Variants in SP2 observed in about 807,000 individuals in gnomAD.
SP2 encodes the protein transcription factor Sp2.
A neutral mutation model predicts 50.1 loss-of-function variants in SP2; 9 were observed. The observed-to-expected ratio is 0.18, with a 90% CI of 0.11 to 0.31. The LOEUF (loss-of-function observed/expected upper bound fraction) is 0.31, where lower values mean the gene tolerates loss of function less well. Ranked by LOEUF, SP2 falls within the 10% of genes least tolerant of loss-of-function variation. The pLI is 1.00. For synonymous variants in SP2, 313 were observed against 326.6 expected, an observed-to-expected ratio of 0.96 and a Z score of 0.45; for missense variants, 581 against 806.5, an observed-to-expected ratio of 0.72 and a Z score of 3.39.
chr17:47,896,726 C>CT (rs2034352627), intron 1 of SP2, among the ~76,000 whole-genome samples: 1 of 152,232 alleles, frequency 6.6e-6, no homozygotes, highest in South Asian at 2.1e-4. Flanking sequence ...TTCCTGCACT[C>CT]TTAACTGTAG....
At position 47,927,766 on chromosome 17, in the gene SP2, T is replaced by C; in HGVS notation, c.1784T>C (p.Met595Thr). The C allele has an allele frequency of 6.3e-7, 1 of 1,599,044 alleles. No homozygotes were observed. Among genetic ancestry groups the C allele is most frequent in the Non-Finnish European group, 8.5e-7 (1 of 1,172,644 alleles). ...TGCGCCCAGTGTCAGAAGCGCTTCA[T>C]GAGGAGTGACCACCTCACCAAGCAT... ...FECAQCQKRFMRSDHLTKHYK... is the reference protein window; with the variant it reads ...FECAQCQKRFTRSDHLTKHYK... Residue 595 changes from methionine (M) to threonine (T), a missense_variant, in exon 7 of 7, where the codon ATG (methionine) becomes ACG (threonine). Met to Thr is a moderately conservative substitution (Grantham distance 81). Transcript: ENST00000376741.
intron 1 of SP2, among the ~76,000 whole-genome samples, chr17:47,903,837 G>A (rs527324796): frequency 1.9e-4 from 29 of 151,704 alleles, no homozygotes; most frequent in Middle Eastern, 3.4e-3. Context: ...GGTGGCACAC[G>A]CCTGTATTCC....
intron 3 of SP2, among the ~76,000 whole-genome samples, chr17:47,920,542 TC>T (rs1480577860): frequency 6.6e-6 from 1 of 152,170 alleles, no homozygotes; most frequent in East Asian, 1.9e-4. Context: ...CGCCTCAGCC[TC>T]CCAAAGTGCT....
downstream of SP2, among the ~76,000 whole-genome samples, chr17:47,931,207 G>A (rs2035810829): frequency 1.3e-5 from 2 of 152,092 alleles, no homozygotes; most frequent in African/African-American, 2.4e-5. Flanking sequence ...GCCGGGCGTG[G>A]TGGCGCATGC....
intron 1 of SP2, among the ~76,000 whole-genome samples, 175 bp from the exon 2 acceptor site, chr17:47,915,137 T>C (rs1271175846): frequency 6.6e-6 from 1 of 151,230 alleles, no homozygotes; most frequent in Non-Finnish European, 1.5e-5. Flanking sequence ...TGCTTGAACT[T>C]GGAAGGGGGA....
At chr17:47,905,553 C>T (rs781028498) in intron 1 of SP2, among the ~76,000 whole-genome samples, 1 of 152,194 alleles carries the variant, frequency 6.6e-6, no homozygotes, top group Non-Finnish European at 1.5e-5. Context: ...TCTGTAGGCG[C>T]GTTTTCTCAT....
intron 2 of SP2, among the ~76,000 whole-genome samples, chr17:47,915,628 G>A (rs1159889373): frequency 1.3e-5 from 2 of 152,112 alleles, no homozygotes; most frequent in African/African-American, 4.8e-5. Flanking sequence ...CACTAAAAAA[G>A]GAAAAGGAAA....
Position 47,916,812 on chromosome 17 carries a change from A to G in SP2, c.741A>G (p.Ala247=). Residue 247 remains alanine, a synonymous_variant, in exon 3 of 7, where the codon GCA becomes GCG. Coordinates refer to ENST00000376741, the MANE Select transcript of SP2 (RefSeq NM_003110.6). This position sits in a 1 kb window ranked among gnomAD's most constrained non-coding sequence, Gnocchi z 4.7. ...PTPLSKTNKK[A]RKKSLPASQP... ...CGCTGTCTAAGACTAACAAGAAAGCAAGGAAGAAGAGCCTTCCTGCCTCCC... is the reference window on the plus strand; with the variant it reads ...CGCTGTCTAAGACTAACAAGAAAGCGAGGAAGAAGAGCCTTCCTGCCTCCC... The G allele has an allele frequency of 2.5e-6, 4 of 1,614,108 alleles. No individual in the cohort carries two copies. The highest frequency in any genetic ancestry group is 2.5e-6 in the Non-Finnish European group (3 of 1,179,946).
intron 3 of SP2, among the ~76,000 whole-genome samples, chr17:47,922,548 T>C (rs2035500555): frequency 6.6e-6 from 1 of 151,658 alleles, no homozygotes; most frequent in Non-Finnish European, 1.5e-5. Flanking sequence ...AGACAGCGTA[T>C]TGCTCTGTCA....
intron 1 of SP2, among the ~76,000 whole-genome samples, chr17:47,905,522 A>G (rs1429450015): frequency 6.6e-6 from 1 of 152,204 alleles, no homozygotes; most frequent in Non-Finnish European, 1.5e-5. Flanking sequence ...AAAGCTTCCT[A>G]AAGCCTACTG....
chr17:47,897,046 T>TA (rs2034367433), intron 1 of SP2, among the ~76,000 whole-genome samples: 1 of 152,370 alleles, frequency 6.6e-6, no homozygotes, highest in South Asian at 2.1e-4. Context: ...CCCAGCCTGT[T>TA]ACTTGACGCC....
intron 1 of SP2, among the ~76,000 whole-genome samples, chr17:47,902,037 A>C (rs930675172): frequency 6.6e-6 from 1 of 152,106 alleles, no homozygotes; most frequent in Non-Finnish European, 1.5e-5. Flanking sequence ...GATAAGGTAA[A>C]AAAAGGGGGG....
rs867363508 is a variant in SP2, at chr17:47,916,729, G to A, written c.658G>A (p.Val220Met). The A allele has an allele frequency of 8.1e-6, 13 of 1,612,824 alleles. No individual in the cohort carries two copies. The highest frequency in any genetic ancestry group is 5.3e-5 in the African/African-American group (4 of 74,892). ...VTLTLPVNNL[V>M]NASDTGAPTQ... ...GCTCACTCTGCCCGTCAACAACCTT[G>A]TGAACGCCAGTGACACCGGGGCCCC... Residue 220 changes from valine (V) to methionine (M), a missense_variant, in exon 3 of 7, where the codon GTG (valine) becomes ATG (methionine). Val to Met is a conservative substitution (Grantham distance 21, BLOSUM62 1). Around this residue, in one of 2 missense-constraint regions of SP2, gnomAD observed 397 missense variants for 491.0 expected, o/e 0.81. Transcript: ENST00000376741. The surrounding 1 kb of genome is among the most constrained non-coding windows in gnomAD (Gnocchi z 4.7).
intron 3 of SP2, 50 bp downstream of exon 3, chr17:47,917,180 T>C: frequency 6.6e-7 from 1 of 1,521,806 alleles, no homozygotes; most frequent in African/African-American, 1.4e-5. Context: ...GTTATCTCTT[T>C]TTGGCTTGCT....
downstream of SP2, chr17:47,930,085 A>C (rs1366782388): frequency 3.3e-5 from 5 of 152,218 alleles, no homozygotes; most frequent in Non-Finnish European, 5.9e-5. Flanking sequence ...CGTTTGGGCA[A>C]TACTAGACCA....
chr17:47,927,325 G>A (rs756475766), intron 6 of SP2, among the ~76,000 whole-genome samples: 17 of 152,072 alleles, frequency 1.1e-4, no homozygotes, highest in Non-Finnish European at 2.1e-4. Flanking sequence ...CTTGAGGTCA[G>A]GAGTTCGAGA....
At chr17:47,930,235 C>G (rs531092852), downstream of SP2, among the ~76,000 whole-genome samples, 76 of 152,308 alleles carry the variant, frequency 5.0e-4, no homozygotes, top group African/African-American at 1.7e-3. Context: ...AACTGCCTTG[C>G]TGCATTCTGA....
Position 47,903,048 on chromosome 17 carries a change from G to A in SP2, c.7+6755G>A, listed in dbSNP as rs151290490. On this transcript the variant is annotated intron_variant, in intron 1 of 6. Transcript: ENST00000376741. ...TGGGATTACAGGCGTGAGCCACAGC[G>A]CCCAGCTGGGGCTAGTTAGATTTAC... Among the ~76,000 whole-genome samples, 342 of 152,300 alleles carry A rather than the reference G, an allele frequency of 2.2e-3. 2 individuals are homozygous for A. Among genetic ancestry groups the A allele is most frequent in the African/African-American group, 7.6e-3 (318 of 41,570 alleles).
intron 6 of SP2, among the ~76,000 whole-genome samples, chr17:47,927,234 G>A (rs2035685400): frequency 6.6e-6 from 1 of 152,106 alleles, no homozygotes; most frequent in African/African-American, 2.4e-5. Context: ...AATTGATAAA[G>A]AGATTTAGAT....
Sources: allele counts gnomAD v4.1 joint callset (sites outside exome capture counted in the v4.1 genomes callset), GRCh38; gene constraint gnomAD v4.1.1; regional missense constraint gnomAD v4.1.1; non-coding constraint Gnocchi (gnomAD v3.1); transcripts MANE v1.5; gene names NCBI Gene and HGNC (gene_info 2026-07-23, HGNC 2026-07-21).